The following ZZEF1 variants were observed in gnomAD, a reference collection of about 807,000 sequenced individuals.
ZZEF1 encodes zinc finger ZZ-type and EF-hand domain containing 1, also known as zinc finger ZZ-type and EF-hand domain-containing protein 1.
ZZEF1 carries 157 observed loss-of-function variants against 342.8 expected under a neutral mutation model. That is an observed-to-expected ratio of 0.46 (90% CI 0.40 to 0.52). ZZEF1 has a LOEUF of 0.52. Ranked by LOEUF, ZZEF1 falls within the 20% of genes least tolerant of loss-of-function variation. The pLI is 0.00. For synonymous variants in ZZEF1, 1,505 were observed against 1,429.1 expected (o/e 1.05, Z -1.20); for missense variants, 3,480 against 3,725.6 (o/e 0.93, Z 1.72).
intron 16 of ZZEF1, 80 bp from the exon 17 acceptor site, chr17:4,082,584 A>C: frequency 7.7e-7 from 1 of 1,300,656 alleles, no homozygotes; most frequent in Non-Finnish European, 1.1e-6. Context: ...ATGAAACATC[A>C]CCACCCCACT....
chr17:4,014,223 T>C lies in ZZEF1; in HGVS notation c.8315-35A>G. 1 of 1,612,968 alleles carries C rather than the reference T, an allele frequency of 6.2e-7. No individual in the cohort carries two copies. Reference sequence around the variant, plus strand: ...CAAGGATCAGAGGCCCATCAGGAACTGAAGCAACAGGGAATGGCAGCAGTG... The same window carrying C: ...CAAGGATCAGAGGCCCATCAGGAACCGAAGCAACAGGGAATGGCAGCAGTG... On this transcript the variant is annotated intron_variant, in intron 50 of 54. Coordinates refer to ENST00000381638, the MANE Select transcript of ZZEF1 (RefSeq NM_015113.4). The surrounding 1 kb of genome is among the most constrained non-coding windows in gnomAD (Gnocchi z 4.4).
intron 2 of ZZEF1, among the ~76,000 whole-genome samples, chr17:4,119,992 T>G (rs1029932185): frequency 3.3e-5 from 5 of 152,186 alleles, no homozygotes; most frequent in African/African-American, 1.2e-4. Context: ...TTAGCATTTT[T>G]GGGTCTAATC....
intron 34 of ZZEF1, among the ~76,000 whole-genome samples, 156 bp downstream of exon 34, chr17:4,053,901 T>C (rs1006199871): frequency 2.0e-5 from 3 of 152,134 alleles, no homozygotes; most frequent in Admixed American, 2.0e-4. Context: ...TTCATTTAGT[T>C]GAGGAGATAA....
intron 3 of ZZEF1, 126 bp from the exon 4 acceptor site, chr17:4,114,596 A>G: frequency 1.3e-6 from 1 of 759,316 alleles, no homozygotes; most frequent in East Asian, 3.2e-5. Flanking sequence ...CTTCCTTAAA[A>G]TCTCCTTCCA....
chr17:4,011,550 T>TG (rs2055957303), intron 52 of ZZEF1, among the ~76,000 whole-genome samples: 9 of 152,204 alleles, frequency 5.9e-5, no homozygotes, highest in African/African-American at 1.4e-4. Flanking sequence ...AGGGGTTTTT[T>TG]TTTTGTGTGT....
chr17:4,079,275 T>G (rs998923160), intron 18 of ZZEF1, among the ~76,000 whole-genome samples: 1 of 152,202 alleles, frequency 6.6e-6, no homozygotes, highest in Non-Finnish European at 1.5e-5. Context: ...GTGAGAACGC[T>G]GAAGTTTTCT....
At chr17:4,057,764 A>G (rs1169318950) in intron 32 of ZZEF1, among the ~76,000 whole-genome samples, 1 of 152,186 alleles carries the variant, frequency 6.6e-6, no homozygotes, top group Non-Finnish European at 1.5e-5. Context: ...GGTACTCATC[A>G]CAACAAGCCT....
chr17:4,021,374 G>T (rs1349259806), intron 44 of ZZEF1, 54 bp from the exon 45 acceptor site: 1 of 1,434,730 alleles, frequency 7.0e-7, no homozygotes, highest in South Asian at 1.4e-5. Context: ...CGGGAAGATG[G>T]TACAGTCCTT....
At position 4,049,739 on chromosome 17, in the gene ZZEF1, A is replaced by G. The variant is rs745923459; in HGVS notation, c.5984T>C (p.Val1995Ala). Residue 1995 changes from valine (V) to alanine (A), a missense_variant, in exon 37 of 55, where the codon GTC becomes GCC. Physicochemically the swap from Val to Ala is moderately conservative, Grantham distance 64. This residue lies in a region of ZZEF1 where 1,269 missense variants were observed against 1,342.4 expected (regional missense o/e 0.95). Coordinates refer to ENST00000381638, the MANE Select transcript of ZZEF1 (RefSeq NM_015113.4). ...ASEEQLEKKA[V>A]QGAELSEAGN... ...TGCTTCTGACAGCTCAGCACCCTGG[A>G]CAGCTTTCTTCTCTAGCTGCTCCTC... is the stretch of plus-strand genomic sequence containing the variant. 4 of 1,614,126 alleles carry G rather than the reference A, an allele frequency of 2.5e-6. No individual in the cohort carries two copies. Among genetic ancestry groups the G allele is most frequent in the Middle Eastern group, 1.6e-4 (1 of 6,062 alleles).
At chr17:4,097,229 G>A (rs541876468) in intron 9 of ZZEF1, among the ~76,000 whole-genome samples, 63 of 149,240 alleles carry the variant, frequency 4.2e-4, no homozygotes, top group Non-Finnish European at 7.6e-4. Flanking sequence ...TCCAGCCTGG[G>A]CAACAGAGTG....
chr17:4,109,027 T>C (rs1367346059), intron 6 of ZZEF1, among the ~76,000 whole-genome samples: 1 of 152,246 alleles, frequency 6.6e-6, no homozygotes, highest in African/African-American at 2.4e-5. Context: ...TGGTTGTATT[T>C]GTCTTATATG....
intron 39 of ZZEF1, among the ~76,000 whole-genome samples, chr17:4,039,874 G>C (rs1358054897): frequency 6.6e-6 from 1 of 151,994 alleles, no homozygotes; most frequent in African/African-American, 2.4e-5. Context: ...TCGATCTCCT[G>C]ACCTCATGAT....
At chr17:4,033,096 C>T (rs900301318) in intron 40 of ZZEF1, 94 bp from the exon 41 acceptor site, 20 of 1,254,598 alleles carry the variant, frequency 1.6e-5, no homozygotes, top group African/African-American at 1.2e-4. Context: ...CAGAAGCCTT[C>T]AAAGAGCCAT....
intron 39 of ZZEF1, among the ~76,000 whole-genome samples, chr17:4,040,306 T>C (rs1407685020): frequency 3.9e-5 from 6 of 152,270 alleles, no homozygotes; most frequent in Admixed American, 3.9e-4. Flanking sequence ...AACTAATAAA[T>C]AACATGCAGC....
Position 4,009,662 on chromosome 17 carries a change from A to G in ZZEF1, c.8675T>C (p.Leu2892Pro). Residue 2892 changes from leucine to proline, a missense_variant, in exon 53 of 55, where the codon CTC (leucine) becomes CCC (proline). Around this residue, in one of 5 missense-constraint regions of ZZEF1, gnomAD observed 1,269 missense variants for 1,342.4 expected, o/e 0.95. Transcript: ENST00000381638. ...AGTGAGGGCACGATGCAGGGGAAGG[A>G]GGATGCCGGGCTGCGTCACGTCCTC... ...LFEDVTQPGI[L>P]LPLHRALTEL... The G allele has an allele frequency of 6.2e-7, 1 of 1,614,002 alleles. No homozygotes were observed.
At chr17:4,061,767 C>T (rs957319986) in intron 30 of ZZEF1, among the ~76,000 whole-genome samples, 1 of 152,014 alleles carries the variant, frequency 6.6e-6, no homozygotes, top group African/African-American at 2.4e-5. Flanking sequence ...CCTGACAACT[C>T]TACCTCTAAA....
chr17:4,132,411 T>C (rs1245340246), intron 1 of ZZEF1, among the ~76,000 whole-genome samples: 1 of 150,768 alleles, frequency 6.6e-6, no homozygotes, highest in South Asian at 2.1e-4. Flanking sequence ...CTCAAACTCC[T>C]GGCCTCAAGT....
chr17:4,017,592 C>T lies in ZZEF1; in HGVS notation c.7780G>A (p.Glu2594Lys), dbSNP rs777212448. 2.5e-6 allele frequency: 4 copies of T among 1,614,242 alleles called. No homozygotes were observed. The South Asian group carries it at 3.3e-5, about 13-fold the overall frequency. ...RSKSAALLHK[E>K]LNCKSKRAVR... The stretch of plus-strand genomic sequence containing the variant: ...GCCCTCTTACTCTTGCAGTTCAGCT[C>T]CTTGTGCAGGAGGGCGGCGCTCTTG... Residue 2594 changes from glutamate (E) to lysine (K), a missense_variant, in exon 48 of 55, where the codon GAG becomes AAG. Around this residue, in one of 5 missense-constraint regions of ZZEF1, gnomAD observed 1,269 missense variants for 1,342.4 expected, o/e 0.95. Transcript: ENST00000381638. The surrounding 1 kb of genome is among the most constrained non-coding windows in gnomAD (Gnocchi z 5.1).
chr17:4,046,690 A>G (rs530831836), intron 37 of ZZEF1, among the ~76,000 whole-genome samples: 1 of 152,294 alleles, frequency 6.6e-6, no homozygotes, highest in South Asian at 2.1e-4. Flanking sequence ...TACCCTCTGA[A>G]AAGACCCGAC....
Sources: gnomAD v4.1 joint callset for allele counts (sites outside exome capture counted in the v4.1 genomes callset) on GRCh38, gnomAD v4.1.1 for gene constraint, gnomAD v4.1.1 regional missense constraint, Gnocchi (gnomAD v3.1) non-coding constraint, MANE v1.5 for transcripts, NCBI Gene and HGNC (gene_info 2026-07-23, HGNC 2026-07-21) for gene names.